The following TSHZ1 variants were observed in gnomAD, a reference collection of about 807,000 sequenced individuals.
TSHZ1 encodes teashirt zinc finger homeobox 1.
In TSHZ1, 12 loss-of-function variants were observed where a neutral mutation model predicts 67.1. That is an observed-to-expected ratio of 0.18 (90% CI 0.11 to 0.29). The LOEUF (loss-of-function observed/expected upper bound fraction) is 0.29. Ranked by LOEUF, TSHZ1 falls within the 10% of genes least tolerant of loss-of-function variation. TSHZ1 has a pLI of 1.00. For synonymous variants in TSHZ1, 632 were observed against 622.4 expected (o/e 1.02, Z -0.23); for missense variants, 1,305 against 1,413.9 (o/e 0.92, Z 1.23).
intron 1 of TSHZ1, among the ~76,000 whole-genome samples, chr18:75,250,449 AG>A (rs1278198559): frequency 3.3e-5 from 5 of 152,200 alleles, no homozygotes; most frequent in African/African-American, 1.2e-4. Context: ...TCCTCCCTGC[AG>A]CAAGGGGCCA....
intron 1 of TSHZ1, among the ~76,000 whole-genome samples, chr18:75,278,863 C>T (rs1195064351): frequency 6.6e-6 from 1 of 152,062 alleles, no homozygotes; most frequent in Non-Finnish European, 1.5e-5. Flanking sequence ...TGGAATGATG[C>T]GAGGAAGAGG....
chr18:75,211,857 G>C lies in TSHZ1; in HGVS notation c.-20G>C. The C allele has an allele frequency of 8.5e-7, 1 of 1,169,834 alleles. No individual in the cohort carries two copies. The highest frequency in any genetic ancestry group is 1.1e-6 in the Non-Finnish European group (1 of 948,490). 72.5% of individuals were successfully genotyped at this position (1,169,834 alleles called of 1,614,324 possible). A position where few individuals can be genotyped will look rare whatever the true frequency, so the allele number is the denominator to read the frequency against. The stretch of plus-strand genomic sequence containing the variant: ...GAACTCCGGCGGCGGCTGAGGCGAC[G>C]GCTGCGGCGGCCGAGCAGCATGCCG... On this transcript the variant is annotated 5_prime_UTR_variant, in exon 1 of 2. Coordinates refer to ENST00000580243, the MANE Select transcript of TSHZ1 (RefSeq NM_001308210.2).
intron 1 of TSHZ1, among the ~76,000 whole-genome samples, chr18:75,265,821 C>T (rs1459107003): frequency 1.3e-5 from 2 of 152,090 alleles, no homozygotes; most frequent in African/African-American, 4.8e-5. Context: ...CCCCCTTACT[C>T]GAATCTCATG....
intron 1 of TSHZ1, among the ~76,000 whole-genome samples, chr18:75,243,359 C>T (rs993738504): frequency 2.0e-5 from 3 of 152,134 alleles, no homozygotes; most frequent in East Asian, 1.9e-4. Context: ...ATGAGCGGGA[C>T]GGATCTTGCC....
At chr18:75,222,729 C>T (rs1254095815) in intron 1 of TSHZ1, among the ~76,000 whole-genome samples, 1 of 152,144 alleles carries the variant, frequency 6.6e-6, no homozygotes, top group Non-Finnish European at 1.5e-5. Flanking sequence ...GCCCCCTCCA[C>T]CCCCCTATTT....
At chr18:75,258,573 G>A (rs1409954188) in intron 1 of TSHZ1, among the ~76,000 whole-genome samples, 3 of 152,166 alleles carry the variant, frequency 2.0e-5, no homozygotes, top group African/African-American at 7.2e-5. Flanking sequence ...ATGACTTTCT[G>A]TAATAAATAT....
intron 1 of TSHZ1, among the ~76,000 whole-genome samples, chr18:75,224,591 C>T (rs2022895991): frequency 6.6e-6 from 1 of 152,182 alleles, no homozygotes; most frequent in African/African-American, 2.4e-5. Flanking sequence ...ATCCCCCCCT[C>T]CCCGCAATAC....
chr18:75,275,500 C>T (rs1261610180), intron 1 of TSHZ1, among the ~76,000 whole-genome samples: 1 of 152,170 alleles, frequency 6.6e-6, no homozygotes, highest in East Asian at 1.9e-4. Flanking sequence ...TTTCTTTACA[C>T]TCATTTCAGC....
In TSHZ1 at chr18:75,289,348, C is replaced by G; in HGVS notation, c.*707C>G. 6.0e-6 allele frequency: 1 copy of G among 165,542 alleles called. No homozygotes were observed. Among genetic ancestry groups the G allele is most frequent in the East Asian group, 1.9e-4 (1 of 5,172 alleles). The allele number at this position is 165,542 out of a possible 1,614,324, so 10.3% of individuals were successfully genotyped here. A position where few individuals can be genotyped will look rare whatever the true frequency, so the allele number is the denominator to read the frequency against. On this transcript the variant is annotated 3_prime_UTR_variant, in exon 2 of 2. Coordinates refer to ENST00000580243, the MANE Select transcript of TSHZ1 (RefSeq NM_001308210.2). ...TCTGGATGCTGAAAAATGCCACTTT[C>G]GGCAAAAAAAAAAGTATGCAAGCTA...
At chr18:75,221,689 CTG>C (rs985292858) in intron 1 of TSHZ1, among the ~76,000 whole-genome samples, 50 of 152,326 alleles carry the variant, frequency 3.3e-4, no homozygotes, top group African/African-American at 1.1e-3. Flanking sequence ...ATGCAGTAAA[CTG>C]TGTAATACTC....
chr18:75,259,217 ATT>A (rs1190909311), intron 1 of TSHZ1, among the ~76,000 whole-genome samples: 1 of 152,024 alleles, frequency 6.6e-6, no homozygotes, highest in Non-Finnish European at 1.5e-5. Flanking sequence ...CCAGAGAGAG[ATT>A]TCACTCAGTC....
intron 1 of TSHZ1, among the ~76,000 whole-genome samples, chr18:75,244,225 G>T (rs1001103448): frequency 6.6e-6 from 1 of 152,080 alleles, no homozygotes; most frequent in Non-Finnish European, 1.5e-5. Context: ...CTTTGCTGTC[G>T]GTGGCCCTTC....
At chr18:75,218,732 A>G (rs1418528413) in intron 1 of TSHZ1, among the ~76,000 whole-genome samples, 3 of 152,234 alleles carry the variant, frequency 2.0e-5, no homozygotes, top group Non-Finnish European at 4.4e-5. Flanking sequence ...AAAAGCCTAT[A>G]AAAAGTAAAT....
intron 1 of TSHZ1, among the ~76,000 whole-genome samples, chr18:75,253,522 G>A (rs1007787739): frequency 1.3e-5 from 2 of 152,222 alleles, no homozygotes; most frequent in African/African-American, 4.8e-5. Flanking sequence ...GCTCTTCAGC[G>A]GAGGTTTGGG....
intron 1 of TSHZ1, among the ~76,000 whole-genome samples, chr18:75,257,205 A>G (rs1055118697): frequency 6.6e-6 from 1 of 152,186 alleles, no homozygotes; most frequent in Non-Finnish European, 1.5e-5. Context: ...TCATTGAGAG[A>G]TTATTCAAGG....
chr18:75,216,030 T>G (rs1169111786), intron 1 of TSHZ1, among the ~76,000 whole-genome samples: 2 of 152,186 alleles, frequency 1.3e-5, no homozygotes, highest in African/African-American at 4.8e-5. Context: ...GTCAGTTTTA[T>G]TCATTCATTC....
At chr18:75,231,982 C>T (rs960960510) in intron 1 of TSHZ1, among the ~76,000 whole-genome samples, 15 of 152,122 alleles carry the variant, frequency 9.9e-5, no homozygotes, top group Admixed American at 9.2e-4. Context: ...GAACTCAGCT[C>T]ACTGCAACCT....
intron 1 of TSHZ1, among the ~76,000 whole-genome samples, chr18:75,253,237 G>A (rs535846217): frequency 1.7e-4 from 26 of 152,260 alleles, no homozygotes; most frequent in African/African-American, 4.6e-4. Context: ...GAATCTTTCT[G>A]ATTAGCTGTT....
intron 1 of TSHZ1, among the ~76,000 whole-genome samples, chr18:75,233,772 A>G (rs1298497063): frequency 2.0e-5 from 3 of 152,154 alleles, no homozygotes; most frequent in Non-Finnish European, 4.4e-5. Flanking sequence ...TGGAAGGACT[A>G]TTGCATACTC....
Sources: gnomAD v4.1 joint callset for allele counts (sites outside exome capture counted in the v4.1 genomes callset) on GRCh38, gnomAD v4.1.1 for gene constraint, MANE v1.5 for transcripts, NCBI Gene and HGNC (gene_info 2026-07-23, HGNC 2026-07-21) for gene names.